Variants in MPPED2 observed in about 807,000 individuals in gnomAD.
The protein encoded by MPPED2 is metallophosphoesterase domain containing 2.
A neutral mutation model predicts 33.0 loss-of-function variants in MPPED2; 5 were observed. The ratio of observed to expected loss-of-function variants is 0.15; its 90% confidence interval spans 0.08 to 0.32. The LOEUF is 0.32. Ranked by LOEUF, MPPED2 falls within the 10% of genes least tolerant of loss-of-function variation. MPPED2 has a pLI of 1.00. For missense variants in MPPED2, 275 were observed against 372.1 expected (o/e 0.74, Z 2.15); for synonymous variants, 136 against 141.9 (o/e 0.96, Z 0.29).
chr11:30,462,578 TTAAGGGGAAAAAATGC>T (rs2134009519), intron 4 of MPPED2, among the ~76,000 whole-genome samples: 1 of 152,326 alleles, frequency 6.6e-6, no homozygotes, highest in South Asian at 2.1e-4. Context: ...ACTTCCTTTA[TTAAGGGGAAAAAATGC>T]TGTTTCTATT....
chr11:30,408,251 C>T (rs1354795860), downstream of MPPED2, among the ~76,000 whole-genome samples: 2 of 152,206 alleles, frequency 1.3e-5, no homozygotes, highest in Non-Finnish European at 2.9e-5. Flanking sequence ...CAAAGAGCCA[C>T]ATTGCAGGGT....
At chr11:30,571,166 T>C (rs1956671681) in intron 2 of MPPED2, among the ~76,000 whole-genome samples, 1 of 151,776 alleles carries the variant, frequency 6.6e-6, no homozygotes, top group African/African-American at 2.4e-5. Context: ...TTTTTTTTTT[T>C]TTAAACTAGT....
chr11:30,513,744 A>G (rs1953360404), intron 3 of MPPED2, among the ~76,000 whole-genome samples: 1 of 152,226 alleles, frequency 6.6e-6, no homozygotes, highest in South Asian at 2.1e-4. Flanking sequence ...GGATCCTGGT[A>G]TAACATGGAC....
At chr11:30,408,012 A>G (rs61884685), downstream of MPPED2, among the ~76,000 whole-genome samples, 3,305 of 152,340 alleles carry the variant, frequency 0.022, 53 homozygotes, top group Non-Finnish European at 0.027. Context: ...ACCACTTACT[A>G]GATGTCAGAC....
chr11:30,423,188 C>G (rs1016079166), intron 4 of MPPED2, among the ~76,000 whole-genome samples: 5 of 152,152 alleles, frequency 3.3e-5, no homozygotes, highest in African/African-American at 2.4e-5. Flanking sequence ...TTTACTCCCC[C>G]ACAAACTTCA....
chr11:30,485,526 T>C (rs948894374), intron 4 of MPPED2, among the ~76,000 whole-genome samples: 1 of 87,852 alleles, frequency 1.1e-5, no homozygotes, highest in Non-Finnish European at 3.1e-5. Context: ...GGGAACAGCC[T>C]GTTTCTAAGG....
At chr11:30,500,456 A>G (rs1397612079) in intron 3 of MPPED2, among the ~76,000 whole-genome samples, 1 of 152,146 alleles carries the variant, frequency 6.6e-6, no homozygotes, top group Non-Finnish European at 1.5e-5. Flanking sequence ...CGATTTTAAA[A>G]CTATTACAAT....
intron 3 of MPPED2, among the ~76,000 whole-genome samples, chr11:30,511,894 T>A (rs1382136800): frequency 2.0e-5 from 3 of 152,238 alleles, no homozygotes; most frequent in Admixed American, 1.3e-4. Flanking sequence ...TTAGCAAGAT[T>A]GGGCTAAATG....
intron 4 of MPPED2, among the ~76,000 whole-genome samples, chr11:30,431,244 G>T (rs1949065481): frequency 6.6e-6 from 1 of 152,150 alleles, no homozygotes; most frequent in South Asian, 2.1e-4. Flanking sequence ...TGAGCCTCTG[G>T]CACACAGCGT....
intron 4 of MPPED2, among the ~76,000 whole-genome samples, chr11:30,447,520 G>T (rs1419053326): frequency 6.6e-6 from 1 of 152,164 alleles, no homozygotes; most frequent in East Asian, 1.9e-4. Context: ...GAGACCAGTT[G>T]TAATAGGAGC....
intron 3 of MPPED2, among the ~76,000 whole-genome samples, chr11:30,497,211 G>A (rs1053167126): frequency 1.3e-5 from 2 of 152,166 alleles, no homozygotes; most frequent in South Asian, 4.1e-4. Flanking sequence ...AAGTTGTTTG[G>A]ATAGAATGGT....
chr11:30,457,890 A>G (rs546372914), intron 4 of MPPED2, among the ~76,000 whole-genome samples: 2 of 152,342 alleles, frequency 1.3e-5, no homozygotes, highest in Admixed American at 1.3e-4. Context: ...GATGACACAT[A>G]TGAATCAATC....
intron 2 of MPPED2, among the ~76,000 whole-genome samples, chr11:30,559,497 C>T (rs972715788): frequency 6.6e-6 from 1 of 152,074 alleles, no homozygotes; most frequent in Non-Finnish European, 1.5e-5. Context: ...TACATTTTAA[C>T]TTGCATGATG....
intron 4 of MPPED2, among the ~76,000 whole-genome samples, chr11:30,419,351 T>C (rs1377934539): frequency 1.3e-5 from 2 of 152,190 alleles, no homozygotes; most frequent in Non-Finnish European, 2.9e-5. Flanking sequence ...TCTTCTTATA[T>C]ACTATCTGAA....
chr11:30,541,148 G>A (rs1315084129), intron 2 of MPPED2, among the ~76,000 whole-genome samples: 1 of 152,206 alleles, frequency 6.6e-6, no homozygotes, highest in Non-Finnish European at 1.5e-5. Flanking sequence ...AACTTTCCAA[G>A]TTTTGTGCCA....
At chr11:30,412,921 A>G (rs1948174079) in intron 6 of MPPED2, among the ~76,000 whole-genome samples, 1 of 152,220 alleles carries the variant, frequency 6.6e-6, no homozygotes, top group Non-Finnish European at 1.5e-5. Flanking sequence ...ACAGTCCTCC[A>G]GAAATGTTGC....
At chr11:30,556,085 T>G (rs1468125019) in intron 2 of MPPED2, among the ~76,000 whole-genome samples, 1 of 152,174 alleles carries the variant, frequency 6.6e-6, no homozygotes, top group Non-Finnish European at 1.5e-5. Flanking sequence ...GAGGTTTCCA[T>G]TTGCCACTCT....
chr11:30,570,331 A>G (rs1427318490), intron 2 of MPPED2, among the ~76,000 whole-genome samples: 1 of 152,008 alleles, frequency 6.6e-6, no homozygotes, highest in Non-Finnish European at 1.5e-5. Flanking sequence ...ATCACCTCTG[A>G]AAGTCCCCAC....
At chr11:30,457,431 T>C (rs924016190) in intron 4 of MPPED2, among the ~76,000 whole-genome samples, 7 of 151,026 alleles carry the variant, frequency 4.6e-5, no homozygotes, top group African/African-American at 1.7e-4. Context: ...TGAAAGCTGA[T>C]ATCGCAAGAA....
Sources: gnomAD v4.1 joint callset for allele counts (sites outside exome capture counted in the v4.1 genomes callset) on GRCh38, gnomAD v4.1.1 for gene constraint, MANE v1.5 for transcripts, NCBI Gene and HGNC (gene_info 2026-07-23, HGNC 2026-07-21) for gene names.